Variants in BCR observed in about 807,000 individuals in gnomAD.
The protein encoded by BCR is breakpoint cluster region protein.
BCR carries 58 observed loss-of-function variants against 138.6 expected under a neutral mutation model. That is an observed-to-expected ratio of 0.42 (90% CI 0.34 to 0.52). The LOEUF (loss-of-function observed/expected upper bound fraction) is 0.52, where lower values mean the gene tolerates loss of function less well. Ranked by LOEUF, BCR falls within the 20% of genes least tolerant of loss-of-function variation. BCR has a pLI of 0.06. For missense variants in BCR, 1,599 were observed against 1,727.2 expected (o/e 0.93, Z 1.32); for synonymous variants, 786 against 730.1 (o/e 1.08, Z -1.23).
chr22:23,273,868 C>G (rs1426365464), intron 8 of BCR, 94 bp downstream of exon 8: 1 of 1,520,532 alleles, frequency 6.6e-7, no homozygotes, highest in East Asian at 2.3e-5. Context: ...CCTTCCTGGT[C>G]CTCAGCAGAC....
At chr22:23,308,532 C>T (rs1240363361) in intron 16 of BCR, among the ~76,000 whole-genome samples, 2 of 152,146 alleles carry the variant, frequency 1.3e-5, no homozygotes, top group African/African-American at 4.8e-5. Context: ...GTCTCAACCT[C>T]CCGACCTCGT....
chr22:23,197,520 T>G (rs536510048), intron 1 of BCR, among the ~76,000 whole-genome samples: 1 of 152,326 alleles, frequency 6.6e-6, no homozygotes, highest in East Asian at 1.9e-4. Context: ...GATGTGGAAC[T>G]TGAGGCTGTG....
At chr22:23,184,075 C>T (rs1481336358) in intron 1 of BCR, among the ~76,000 whole-genome samples, 1 of 152,088 alleles carries the variant, frequency 6.6e-6, no homozygotes, top group Non-Finnish European at 1.5e-5. Flanking sequence ...ATTTTTTCCC[C>T]CTTAAATGTT....
rs767559039 is a variant in BCR at position 23,181,708 on chromosome 22, G to A, written c.748G>A (p.Glu250Lys). 3.1e-6 allele frequency: 5 copies of A among 1,604,220 alleles called. No homozygotes were observed. Among genetic ancestry groups the A allele is most frequent in the Admixed American group, 1.7e-5 (1 of 60,028 alleles). The part of the protein sequence containing the change: ...CGVDGDYEDA[E>K]LNPRFLKDNL... ...CGTCGACGGCGACTACGAGGACGCC[G>A]AGTTGAACCCCCGCTTCCTGAAGGA... is the stretch of plus-strand genomic sequence containing the variant. The change falls in exon 1 of 23, where the codon GAG becomes AAG. Residue 250 changes from glutamate (E) to lysine (K), a missense_variant. By Grantham distance (56) the Glu-to-Lys change is moderately conservative. Coordinates refer to ENST00000305877, the MANE Select transcript of BCR (RefSeq NM_004327.4).
intron 1 of BCR, among the ~76,000 whole-genome samples, chr22:23,202,985 G>GTAGC (rs2146211382): frequency 6.6e-6 from 1 of 152,210 alleles, no homozygotes; most frequent in East Asian, 1.9e-4. Flanking sequence ...AGCCTCCTGA[G>GTAGC]TAGCTGGGAC....
At chr22:23,268,631 C>A in intron 5 of BCR, 116 bp downstream of exon 5, 2 of 929,568 alleles carry the variant, frequency 2.2e-6, no homozygotes, top group South Asian at 1.4e-5. Flanking sequence ...CCAGCTGTTT[C>A]CAGATTCTGT....
chr22:23,284,548 A>G (rs893496443), intron 9 of BCR, among the ~76,000 whole-genome samples: 2 of 152,290 alleles, frequency 1.3e-5, no homozygotes, highest in African/African-American at 4.8e-5. Flanking sequence ...AGAGGGCCAC[A>G]CTGGGAAGGA....
intron 1 of BCR, among the ~76,000 whole-genome samples, chr22:23,207,588 A>T (rs2072632053): frequency 6.6e-6 from 1 of 152,108 alleles, no homozygotes; most frequent in South Asian, 2.1e-4. Context: ...GCACCACTGC[A>T]CTCTAGCCTG....
chr22:23,181,680 CGGCGTCGACGGCGACTACGAG>C lies in BCR; in HGVS notation c.722_742del (p.Gly241_Glu247del). On this transcript the variant is annotated inframe_deletion, in exon 1 of 23. Coordinates refer to ENST00000305877, the MANE Select transcript of BCR (RefSeq NM_004327.4). ...GGGGACGCTCCTCGGAGAGCAGCTG[CGGCGTCGACGGCGACTACGAG>C]GACGCCGAGTTGAACCCCCGCTTCC... The C allele has an allele frequency of 1.9e-6, 3 of 1,605,548 alleles. No homozygotes were observed. The highest frequency in any genetic ancestry group is 2.5e-6 in the Non-Finnish European group (3 of 1,179,788).
chr22:23,277,423 C>T (rs2073590797), intron 8 of BCR, among the ~76,000 whole-genome samples: 1 of 152,170 alleles, frequency 6.6e-6, no homozygotes, highest in African/African-American at 2.4e-5. Flanking sequence ...GCCGATAGGA[C>T]GTTTCCACCC....
At chr22:23,245,543 T>G (rs2073147044) in intron 1 of BCR, among the ~76,000 whole-genome samples, 1 of 151,994 alleles carries the variant, frequency 6.6e-6, no homozygotes, top group Admixed American at 6.5e-5. Flanking sequence ...GCTAACTGGA[T>G]GGGGCACGTC....
At chr22:23,231,701 A>G (rs554582662) in intron 1 of BCR, among the ~76,000 whole-genome samples, 180 of 152,254 alleles carry the variant, frequency 1.2e-3, no homozygotes, top group African/African-American at 4.2e-3. Flanking sequence ...TCCTACAGGA[A>G]TGTGAAGTTC....
chr22:23,260,186 A>G (rs532814323), intron 2 of BCR, among the ~76,000 whole-genome samples: 4 of 152,298 alleles, frequency 2.6e-5, no homozygotes, highest in East Asian at 1.9e-4. Flanking sequence ...CCCTACATCA[A>G]CATCCAACAA....
intron 14 of BCR, 43 bp from the exon 15 acceptor site, chr22:23,292,498 G>C (rs755612106): frequency 6.9e-7 from 1 of 1,446,766 alleles, no homozygotes; most frequent in South Asian, 1.2e-5. Flanking sequence ...TGGGTGATGT[G>C]GAAAAGACCT....
At chr22:23,243,398 A>G (rs1287351571) in intron 1 of BCR, among the ~76,000 whole-genome samples, 3 of 152,162 alleles carry the variant, frequency 2.0e-5, no homozygotes, top group Admixed American at 6.5e-5. Flanking sequence ...TCAGTGGCCA[A>G]TGATTTAGTC....
intron 1 of BCR, among the ~76,000 whole-genome samples, chr22:23,210,228 C>T (rs2072665242): frequency 6.6e-6 from 1 of 151,946 alleles, no homozygotes. Context: ...GCAGCCTGGG[C>T]AACAAAGTGA....
rs547852172 is a variant in BCR, at chr22:23,315,659, A to G, written c.*137A>G. ...TTGGGCCATCTGCCAAGAGACAGCG[A>G]CCCAAAGCCGAAGGACAGGTGGCCT... On this transcript the variant is annotated 3_prime_UTR_variant, in exon 23 of 23. Coordinates refer to ENST00000305877, the MANE Select transcript of BCR (RefSeq NM_004327.4). The G allele has an allele frequency of 2.1e-4, 175 of 838,386 alleles. No individual in the cohort carries two copies. The highest frequency in any genetic ancestry group is 2.4e-4 in the Non-Finnish European group (120 of 503,480). The allele number at this position is 838,386 out of a possible 1,614,324, so 51.9% of individuals were successfully genotyped here. A position where few individuals can be genotyped will look rare whatever the true frequency, so the allele number is the denominator to read the frequency against.
At chr22:23,266,809 G>T (rs534756799) in intron 4 of BCR, among the ~76,000 whole-genome samples, 44 of 152,366 alleles carry the variant, frequency 2.9e-4, no homozygotes, top group African/African-American at 1.0e-3. Flanking sequence ...ATCAGATCCG[G>T]AGGCACATTT....
intron 1 of BCR, among the ~76,000 whole-genome samples, chr22:23,235,320 T>A (rs1313382283): frequency 6.9e-6 from 1 of 144,292 alleles, no homozygotes; most frequent in Non-Finnish European, 1.6e-5. Context: ...CCTCAAGTGA[T>A]CCGCCTGCCT....
Sources: allele counts gnomAD v4.1 joint callset (sites outside exome capture counted in the v4.1 genomes callset), GRCh38; gene constraint gnomAD v4.1.1; transcripts MANE v1.5; gene names NCBI Gene and HGNC (gene_info 2026-07-23, HGNC 2026-07-21).